SLC24A3: variants seen among roughly 807,000 people sequenced by gnomAD.
The protein encoded by SLC24A3 is sodium/potassium/calcium exchanger 3.
In SLC24A3, 28 loss-of-function variants were observed where a neutral mutation model predicts 75.8. That is an observed-to-expected ratio of 0.37 (90% CI 0.27 to 0.51). The LOEUF is 0.51. Among genes scored for constraint, SLC24A3 ranks in the 20% least tolerant of loss-of-function variants. The pLI, the probability that SLC24A3 is intolerant of heterozygous loss-of-function variation, is 0.94. For synonymous variants in SLC24A3, 372 were observed against 334.1 expected (o/e 1.11, Z -1.24); for missense variants, 663 against 847.8 (o/e 0.78, Z 2.71).
chr20:19,492,756 G>A (rs1988226956), intron 2 of SLC24A3, among the ~76,000 whole-genome samples: 1 of 152,218 alleles, frequency 6.6e-6, no homozygotes, highest in Non-Finnish European at 1.5e-5. Context: ...ATAAATAAGT[G>A]TGGATATTTT....
At chr20:19,658,646 G>C (rs184584203) in intron 7 of SLC24A3, among the ~76,000 whole-genome samples, 6 of 152,310 alleles carry the variant, frequency 3.9e-5, no homozygotes, top group African/African-American at 7.2e-5. Flanking sequence ...TCCGTACTTT[G>C]AAACATCTGG....
chr20:19,424,851 T>G (rs561877951), intron 2 of SLC24A3, among the ~76,000 whole-genome samples: 35 of 151,494 alleles, frequency 2.3e-4, no homozygotes, highest in African/African-American at 7.7e-4. Context: ...AATTGAACAC[T>G]GAAAATATAT....
chr20:19,643,562 C>A (rs1466461440), intron 6 of SLC24A3, among the ~76,000 whole-genome samples: 1 of 152,190 alleles, frequency 6.6e-6, no homozygotes, highest in African/African-American at 2.4e-5. Context: ...GATTCTATTA[C>A]TGGCTCTCCT....
chr20:19,527,614 T>C (rs143031490), intron 3 of SLC24A3, among the ~76,000 whole-genome samples: 1 of 152,332 alleles, frequency 6.6e-6, no homozygotes, highest in Non-Finnish European at 1.5e-5. Context: ...AAGTCTCTTA[T>C]GCCAGTGGCA....
At chr20:19,246,591 A>C (rs141846438) in intron 1 of SLC24A3, among the ~76,000 whole-genome samples, 198 of 152,306 alleles carry the variant, frequency 1.3e-3, no homozygotes, top group African/African-American at 4.6e-3. Context: ...GAAATCGAAA[A>C]TGTGAAGAGA....
chr20:19,262,545 C>T (rs1278402027), intron 1 of SLC24A3, among the ~76,000 whole-genome samples: 1 of 152,170 alleles, frequency 6.6e-6, no homozygotes, highest in African/African-American at 2.4e-5. Context: ...CTTACCTCTC[C>T]CTGAACCAGT....
rs1568689608 is a variant in SLC24A3 at position 19,663,440 on chromosome 20, CT to C, written c.688-2423del. 2.1e-3 allele frequency among the ~76,000 whole-genome samples: 29 copies of C among 13,588 alleles called. 5 individuals carry two copies. The highest frequency in any genetic ancestry group is 8.3e-3 in the African/African-American group (7 of 842). 8.9% of individuals were successfully genotyped at this position (13,588 alleles called of 152,430 possible). On this transcript the variant is annotated intron_variant, in intron 7 of 16. Coordinates refer to ENST00000328041, the MANE Select transcript of SLC24A3 (RefSeq NM_020689.4). ...CCTCCTCCTCCTCCTCCTCCGCCTT[CT>C]CATCCTCCTCCACTTCCTCCTCCTC...
intron 2 of SLC24A3, among the ~76,000 whole-genome samples, chr20:19,461,529 C>CTTTTTTTTTT (rs11468628): frequency 1.4e-3 from 138 of 101,414 alleles, no homozygotes; most frequent in East Asian, 1.7e-3. Context: ...TCTTTTTTTT[C>CTTTTTTTTTT]TTTTTTTTTT....
At chr20:19,647,199 A>G (rs1312313419) in intron 6 of SLC24A3, among the ~76,000 whole-genome samples, 1 of 152,126 alleles carries the variant, frequency 6.6e-6, no homozygotes, top group Non-Finnish European at 1.5e-5. Flanking sequence ...GATCCCCACT[A>G]GGATGGAGTC....
chr20:19,256,641 C>T (rs938863727), intron 1 of SLC24A3, among the ~76,000 whole-genome samples: 9 of 151,820 alleles, frequency 5.9e-5, no homozygotes, highest in Admixed American at 4.6e-4. Flanking sequence ...TGGTGGCATA[C>T]GCTTGTAGTC....
chr20:19,592,230 T>A (rs1018031828), intron 6 of SLC24A3, among the ~76,000 whole-genome samples: 33 of 152,382 alleles, frequency 2.2e-4, no homozygotes, highest in African/African-American at 7.7e-4. Context: ...GGGCATTTTT[T>A]AACAGGCTTC....
At chr20:19,329,679 A>AACAGAATAATAAGG (rs1380625886) in intron 2 of SLC24A3, among the ~76,000 whole-genome samples, 2 of 152,210 alleles carry the variant, frequency 1.3e-5, no homozygotes, top group Non-Finnish European at 1.5e-5. Context: ...TTCTTCTGGG[A>AACAGAATAATAAGG]ACAGATAAGA....
At position 19,228,058 on chromosome 20, in the gene SLC24A3, T is replaced by C. The variant is rs150329584; in HGVS notation, c.142+15074T>C. On this transcript the variant is annotated intron_variant, in intron 1 of 16. Coordinates refer to ENST00000328041, the MANE Select transcript of SLC24A3 (RefSeq NM_020689.4). Reference sequence around the variant, plus strand: ...TCTTCCTTACATTTACTGGTGAAGGTTACTCTGGTATTTATTATTTGTTGT... The same window carrying C: ...TCTTCCTTACATTTACTGGTGAAGGCTACTCTGGTATTTATTATTTGTTGT... 1.9e-4 allele frequency among the ~76,000 whole-genome samples: 29 copies of C among 152,352 alleles called. No individual in the cohort carries two copies. In the East Asian group the frequency reaches 5.6e-3, roughly 29 times the overall value.
chr20:19,580,560 A>T (rs1275318833), intron 4 of SLC24A3, among the ~76,000 whole-genome samples: 2 of 152,150 alleles, frequency 1.3e-5, no homozygotes, highest in Middle Eastern at 3.4e-3. Flanking sequence ...AAGCACTGAG[A>T]TGAAAGAATT....
intron 2 of SLC24A3, among the ~76,000 whole-genome samples, chr20:19,437,582 C>G (rs1027766904): frequency 6.6e-6 from 1 of 152,190 alleles, no homozygotes; most frequent in Non-Finnish European, 1.5e-5. Flanking sequence ...ATCATGCCCT[C>G]AAGAATCCCA....
intron 6 of SLC24A3, among the ~76,000 whole-genome samples, chr20:19,619,552 G>GT (rs2031778319): frequency 6.6e-6 from 1 of 152,190 alleles, no homozygotes; most frequent in Non-Finnish European, 1.5e-5. Flanking sequence ...GCTACCACAT[G>GT]TTGGAGTAAC....
intron 2 of SLC24A3, among the ~76,000 whole-genome samples, chr20:19,341,048 A>C (rs1985261300): frequency 6.6e-6 from 1 of 152,206 alleles, no homozygotes. Flanking sequence ...CTGTAGGATG[A>C]GTGCACCAAG....
intron 6 of SLC24A3, among the ~76,000 whole-genome samples, chr20:19,644,757 TGA>T (rs1236442930): frequency 1.3e-5 from 2 of 152,234 alleles, no homozygotes; most frequent in African/African-American, 4.8e-5. Flanking sequence ...CAGAATGGGC[TGA>T]GAGCCCATTT....
intron 6 of SLC24A3, among the ~76,000 whole-genome samples, chr20:19,610,538 T>C (rs549566915): frequency 4.6e-5 from 7 of 152,324 alleles, no homozygotes; most frequent in African/African-American, 1.7e-4. Context: ...AAGTTTTGTA[T>C]TCCCCAGAAG....
Sources: gnomAD v4.1 joint callset for allele counts (sites outside exome capture counted in the v4.1 genomes callset) on GRCh38, gnomAD v4.1.1 for gene constraint, MANE v1.5 for transcripts, NCBI Gene and HGNC (gene_info 2026-07-23, HGNC 2026-07-21) for gene names.